ITPR2: variants seen among roughly 807,000 people sequenced by gnomAD.
The protein encoded by ITPR2 is inositol 1,4,5-trisphosphate receptor type 2, also known as inositol 1,4,5-trisphosphate-gated calcium channel ITPR2.
Under a neutral mutation model 317.1 loss-of-function variants are expected in ITPR2, and 207 were observed. The observed-to-expected ratio is 0.65, with a 90% confidence interval of 0.58 to 0.73. ITPR2 has a LOEUF of 0.73. Among genes scored for constraint, ITPR2 ranks in the 30% least tolerant of loss-of-function variants. ITPR2 has a pLI of 0.00. For missense variants in ITPR2, 2,613 were observed against 3,284.0 expected (o/e 0.80, Z 4.99); for synonymous variants, 1,156 against 1,149.1 (o/e 1.01, Z -0.12).
intron 35 of ITPR2, among the ~76,000 whole-genome samples, chr12:26,560,476 C>G (rs1408293060): frequency 6.6e-6 from 1 of 152,130 alleles, no homozygotes; most frequent in Non-Finnish European, 1.5e-5. Context: ...TTAAAATAAA[C>G]AGTCTTAATG....
chr12:26,504,555 A>T (rs1943143645), intron 37 of ITPR2, among the ~76,000 whole-genome samples: 1 of 152,246 alleles, frequency 6.6e-6, no homozygotes, highest in African/African-American at 2.4e-5. Flanking sequence ...TGGAGACACC[A>T]TTTTATACCC....
chr12:26,784,264 T>G (rs75960181), intron 2 of ITPR2, among the ~76,000 whole-genome samples: 2,036 of 12,074 alleles, frequency 0.17, 99 homozygotes, highest in Non-Finnish European at 0.28. Flanking sequence ...AATCTCCCTC[T>G]CCCTCTCCCT....
In ITPR2 at chr12:26,830,864, C is replaced by A. The variant is rs141509153; in HGVS notation, c.92+1826G>T. Among the ~76,000 whole-genome samples, 84 of 152,310 alleles carry A rather than the reference C, an allele frequency of 5.5e-4. 1 individual carries two copies. The highest frequency in any genetic ancestry group is 2.0e-3 in the African/African-American group (82 of 41,560). ...TTATACTGTGCCAGGTACCATGCTA[C>A]TCACTTTACATATATTAATCTCTTC... is the stretch of plus-strand genomic sequence containing the variant. On this transcript the variant is annotated intron_variant, in intron 1 of 56. Coordinates refer to ENST00000381340, the MANE Select transcript of ITPR2 (RefSeq NM_002223.4).
At chr12:26,623,487 A>G (rs1946548797) in intron 24 of ITPR2, 1 of 152,180 alleles carries the variant, frequency 6.6e-6, no homozygotes, top group African/African-American at 2.4e-5. Flanking sequence ...ATTATTAGTT[A>G]TGTTGTTAAT....
intron 13 of ITPR2, among the ~76,000 whole-genome samples, chr12:26,672,798 G>T (rs1042257972): frequency 6.6e-6 from 1 of 151,914 alleles, no homozygotes; most frequent in African/African-American, 2.4e-5. Flanking sequence ...TTGATAGACT[G>T]CTAGCAAGAC....
intron 34 of ITPR2, among the ~76,000 whole-genome samples, 193 bp downstream of exon 34, chr12:26,578,520 A>G (rs1387086798): frequency 6.6e-6 from 1 of 152,200 alleles, no homozygotes; most frequent in Non-Finnish European, 1.5e-5. Flanking sequence ...GATTTTTAAT[A>G]TAATGATTAT....
chr12:26,741,840 A>C (rs915752076), intron 2 of ITPR2, among the ~76,000 whole-genome samples: 5 of 152,248 alleles, frequency 3.3e-5, no homozygotes, highest in African/African-American at 9.6e-5. Flanking sequence ...CTCTCAAGCC[A>C]GTAACTAAAC....
chr12:26,492,564 T>C (rs930407975), intron 39 of ITPR2, among the ~76,000 whole-genome samples: 1 of 152,200 alleles, frequency 6.6e-6, no homozygotes. Context: ...TTGACAGAAC[T>C]TCCTGGTTTA....
rs529186407 is a variant in ITPR2, at chr12:26,650,831, T to C, written c.2740+3145A>G. ...CACTAGTGAGATTCAGGCAGCGGAATTAATATAGACCCCTGCATGTCCCTG... is the reference window on the plus strand; with the variant it reads ...CACTAGTGAGATTCAGGCAGCGGAACTAATATAGACCCCTGCATGTCCCTG... On this transcript the variant is annotated intron_variant, in intron 21 of 56. Transcript: ENST00000381340. 3.3e-4 allele frequency among the ~76,000 whole-genome samples: 51 copies of C among 152,282 alleles called. No individual in the cohort carries two copies. In the East Asian group the frequency reaches 4.1e-3, roughly 12 times the overall value.
At chr12:26,668,476 G>A (rs1947675998) in intron 13 of ITPR2, among the ~76,000 whole-genome samples, 1 of 152,188 alleles carries the variant, frequency 6.6e-6, no homozygotes, top group African/African-American at 2.4e-5. Context: ...TCTGGCTCTG[G>A]CCTAGTTGAG....
intron 45 of ITPR2, among the ~76,000 whole-genome samples, chr12:26,464,921 T>C (rs900972295): frequency 1.3e-5 from 2 of 152,178 alleles, no homozygotes; most frequent in African/African-American, 4.8e-5. Flanking sequence ...AAGAGTTCTA[T>C]TATGGATAAT....
At chr12:26,713,325 C>T (rs564545530) in intron 8 of ITPR2, among the ~76,000 whole-genome samples, 4 of 152,312 alleles carry the variant, frequency 2.6e-5, no homozygotes, top group African/African-American at 9.6e-5. Flanking sequence ...CCTCAGGCTT[C>T]CTCACAAAGC....
At chr12:26,383,435 G>C (rs1160872136) in intron 55 of ITPR2, among the ~76,000 whole-genome samples, 1 of 151,912 alleles carries the variant, frequency 6.6e-6, no homozygotes, top group Non-Finnish European at 1.5e-5. Context: ...TATACAGAGG[G>C]AGGAACATTC....
At chr12:26,780,303 T>C (rs1950055137) in intron 2 of ITPR2, among the ~76,000 whole-genome samples, 1 of 152,194 alleles carries the variant, frequency 6.6e-6, no homozygotes, top group South Asian at 2.1e-4. Flanking sequence ...TCTTTCATCA[T>C]AGAAAGGGCA....
At chr12:26,585,429 C>T (rs900048024) in intron 32 of ITPR2, among the ~76,000 whole-genome samples, 2 of 152,134 alleles carry the variant, frequency 1.3e-5, no homozygotes, top group African/African-American at 2.4e-5. Context: ...CATAAAAGTA[C>T]GGAGTCTCGC....
At chr12:26,636,111 C>T (rs555077941) in intron 21 of ITPR2, among the ~76,000 whole-genome samples, 72 of 152,146 alleles carry the variant, frequency 4.7e-4, no homozygotes, top group Non-Finnish European at 9.3e-4. Flanking sequence ...TTCCATGTGC[C>T]GAACCTACAG....
chr12:26,785,604 T>G (rs1170034896), intron 2 of ITPR2, among the ~76,000 whole-genome samples: 10 of 15,892 alleles, frequency 6.3e-4, no homozygotes, highest in African/African-American at 1.5e-3. Flanking sequence ...GGGAGGGAGG[T>G]GGGGGGGTCA....
In ITPR2 at chr12:26,608,587, G is replaced by C. The variant is rs1946192107; in HGVS notation, c.3463-5881C>G. ...GGCTGCCCCACAGTCTATTAATTGA[G>C]GAGCTCCTCTGCTTGGCCGCCCCAC... On this transcript the variant is annotated intron_variant, in intron 26 of 56. Coordinates refer to ENST00000381340, the MANE Select transcript of ITPR2 (RefSeq NM_002223.4). 2.0e-5 allele frequency among the ~76,000 whole-genome samples: 3 copies of C among 151,532 alleles called. No homozygotes were observed. The South Asian group carries it at 6.3e-4, about 32-fold the overall frequency.
intron 26 of ITPR2, among the ~76,000 whole-genome samples, chr12:26,616,126 ATT>A (rs1946367099): frequency 2.0e-5 from 3 of 149,942 alleles, no homozygotes; most frequent in Non-Finnish European, 3.0e-5. Context: ...TTATTTATTT[ATT>A]TTTATTTTAT....
Sources: gnomAD v4.1 joint callset for allele counts (sites outside exome capture counted in the v4.1 genomes callset) on GRCh38, gnomAD v4.1.1 for gene constraint, MANE v1.5 for transcripts, NCBI Gene and HGNC (gene_info 2026-07-23, HGNC 2026-07-21) for gene names.